AGMO: variants seen among roughly 807,000 people sequenced by gnomAD.
AGMO encodes alkylglycerol monooxygenase.
A neutral mutation model predicts 60.2 loss-of-function variants in AGMO; 75 were observed. The observed-to-expected ratio is 1.25, with a 90% confidence interval of 1.03 to 1.51. The LOEUF (loss-of-function observed/expected upper bound fraction) is 1.51, where lower values mean the gene tolerates loss of function less well. Among genes scored for constraint, AGMO ranks in the 40% most tolerant of loss-of-function variants. The pLI, the probability that AGMO is intolerant of heterozygous loss-of-function variation, is 0.00. For synonymous variants in AGMO, 261 were observed against 177.1 expected, an observed-to-expected ratio of 1.47 and a Z score of -3.76; for missense variants, 763 against 525.5, an observed-to-expected ratio of 1.45 and a Z score of -4.42.
At chr7:15,437,693 C>G (rs1781439191) in intron 3 of AGMO, among the ~76,000 whole-genome samples, 1 of 152,048 alleles carries the variant, frequency 6.6e-6, no homozygotes, top group South Asian at 2.1e-4. Context: ...CGCCACCACG[C>G]CAGGCTAATT....
At chr7:15,168,883 A>C in the AGMO span, among the ~76,000 whole-genome samples, 1 of 152,212 alleles carries the variant, frequency 6.6e-6, no homozygotes, top group Non-Finnish European at 1.5e-5. Flanking sequence ...TGCCACTCTC[A>C]TTGGAGAAAT....
chr7:15,241,693 G>A (rs2128503198), intron 12 of AGMO, among the ~76,000 whole-genome samples: 1 of 150,918 alleles, frequency 6.6e-6, no homozygotes, highest in Middle Eastern at 3.4e-3. Context: ...CAAAACCACT[G>A]TGTAACAAAA....
intron 3 of AGMO, among the ~76,000 whole-genome samples, chr7:15,491,239 G>C (rs1783057769): frequency 1.3e-5 from 2 of 152,110 alleles, no homozygotes; most frequent in African/African-American, 4.8e-5. Flanking sequence ...GGCTTGGTGG[G>C]GGGAGTAATG....
At chr7:15,346,630 T>C (rs183202097) in intron 12 of AGMO, among the ~76,000 whole-genome samples, 1 of 141,748 alleles carries the variant, frequency 7.1e-6, no homozygotes, top group East Asian at 2.1e-4. Context: ...AAAAAAAAAA[T>C]ACCATAAAGA....
chr7:15,127,033 A>T, the AGMO span, among the ~76,000 whole-genome samples: 1 of 152,072 alleles, frequency 6.6e-6, no homozygotes, highest in Non-Finnish European at 1.5e-5. Flanking sequence ...AAAATGTGTA[A>T]ATTTACTTAC....
At chr7:15,292,486 A>G (rs1480571512) in intron 12 of AGMO, among the ~76,000 whole-genome samples, 1 of 152,190 alleles carries the variant, frequency 6.6e-6, no homozygotes, top group East Asian at 1.9e-4. Flanking sequence ...AGCATTAACA[A>G]TGATGCAAAA....
At chr7:15,520,845 A>C (rs914364070) in intron 3 of AGMO, among the ~76,000 whole-genome samples, 2 of 152,188 alleles carry the variant, frequency 1.3e-5, no homozygotes, top group African/African-American at 2.4e-5. Context: ...GAAATAACTA[A>C]GATAAGAGCA....
intron 3 of AGMO, among the ~76,000 whole-genome samples, chr7:15,468,306 C>A (rs941464972): frequency 7.2e-5 from 11 of 152,022 alleles, no homozygotes; most frequent in Non-Finnish European, 1.5e-4. Flanking sequence ...GACACTGGTA[C>A]CAAGATTACT....
intron 12 of AGMO, among the ~76,000 whole-genome samples, chr7:15,362,329 A>G (rs1782798662): frequency 6.6e-6 from 1 of 152,172 alleles, no homozygotes; most frequent in African/African-American, 2.4e-5. Context: ...CCAGATTAAA[A>G]AAAGATTGCT....
chr7:15,310,656 A>G (rs1386649262), intron 12 of AGMO, among the ~76,000 whole-genome samples: 2 of 152,096 alleles, frequency 1.3e-5, no homozygotes, highest in Non-Finnish European at 2.9e-5. Context: ...GAGTGCTTCT[A>G]TTTCTGGTAA....
chr7:15,161,112 TA>T, the AGMO span, among the ~76,000 whole-genome samples: 3 of 152,198 alleles, frequency 2.0e-5, no homozygotes, highest in African/African-American at 7.2e-5. Context: ...CCTCATAGCC[TA>T]ATCACCTCTC....
At chr7:15,466,735 A>T (rs1782301764) in intron 3 of AGMO, among the ~76,000 whole-genome samples, 1 of 152,190 alleles carries the variant, frequency 6.6e-6, no homozygotes, top group Admixed American at 6.5e-5. Context: ...AGTTAAAGAA[A>T]TTATTTGTAA....
At chr7:15,360,771 T>G (rs1170067736) in intron 12 of AGMO, among the ~76,000 whole-genome samples, 1 of 152,064 alleles carries the variant, frequency 6.6e-6, no homozygotes, top group East Asian at 1.9e-4. Flanking sequence ...AAGGGTCAAT[T>G]GGATCCAAAA....
intron 12 of AGMO, among the ~76,000 whole-genome samples, chr7:15,288,808 C>T (rs1387986798): frequency 1.4e-5 from 2 of 144,866 alleles, no homozygotes; most frequent in Non-Finnish European, 3.0e-5. Flanking sequence ...GAAGAAAGAA[C>T]ATTAACATCT....
chr7:15,266,082 A>G (rs1018754761), intron 12 of AGMO, among the ~76,000 whole-genome samples: 7 of 152,126 alleles, frequency 4.6e-5, no homozygotes, highest in Admixed American at 4.6e-4. Context: ...TATAGTAGTC[A>G]AAATCATTGA....
intron 12 of AGMO, among the ~76,000 whole-genome samples, chr7:15,323,157 A>T (rs1043033401): frequency 2.6e-5 from 4 of 151,976 alleles, no homozygotes; most frequent in Admixed American, 6.6e-5. Context: ...AATTTCCAAT[A>T]TAAAGAGATG....
At chr7:15,503,446 G>A (rs80256221) in intron 3 of AGMO, among the ~76,000 whole-genome samples, 5,364 of 152,010 alleles carry the variant, frequency 0.035, 305 homozygotes, top group African/African-American at 0.12. Context: ...ATAGGCTTAG[G>A]ACATTAATTC....
intron 2 of AGMO, among the ~76,000 whole-genome samples, chr7:15,554,483 G>T (rs191239851): frequency 6.6e-6 from 1 of 152,128 alleles, no homozygotes; most frequent in Non-Finnish European, 1.5e-5. Flanking sequence ...CATATAGAGA[G>T]ACTTTCCTCC....
intron 12 of AGMO, among the ~76,000 whole-genome samples, chr7:15,291,817 G>A (rs1402776637): frequency 6.6e-6 from 1 of 152,102 alleles, no homozygotes; most frequent in Non-Finnish European, 1.5e-5. Flanking sequence ...ACTCATAAAG[G>A]ACATAACCTG....
Sources: gnomAD v4.1 joint callset for allele counts (sites outside exome capture counted in the v4.1 genomes callset) on GRCh38, gnomAD v4.1.1 for gene constraint, MANE v1.5 for transcripts, NCBI Gene and HGNC (gene_info 2026-07-23, HGNC 2026-07-21) for gene names.